HPSE2: variants seen among roughly 807,000 people sequenced by gnomAD.
HPSE2 encodes the protein heparanase 2 (inactive).
HPSE2 carries 38 observed loss-of-function variants against 60.5 expected under a neutral mutation model. The observed-to-expected ratio is 0.63, with a 90% CI of 0.48 to 0.82. The LOEUF is 0.82. HPSE2 is among the 40% of genes least tolerant of loss of function. The pLI is 0.00. For synonymous variants in HPSE2, 295 were observed against 293.2 expected, an observed-to-expected ratio of 1.01 and a Z score of -0.06; for missense variants, 713 against 740.4, an observed-to-expected ratio of 0.96 and a Z score of 0.43.
intron 2 of HPSE2, among the ~76,000 whole-genome samples, chr10:99,154,141 G>A (rs1194632932): frequency 6.9e-6 from 1 of 143,938 alleles, no homozygotes; most frequent in African/African-American, 2.5e-5. Context: ...GTACCTGAAA[G>A]TGATGGGGAG....
intron 3 of HPSE2, among the ~76,000 whole-genome samples, chr10:98,942,646 G>C (rs899151932): frequency 2.0e-5 from 3 of 152,138 alleles, no homozygotes; most frequent in African/African-American, 7.2e-5. Context: ...CTGTCAACTA[G>C]TTCAACCATT....
At chr10:98,692,867 T>C (rs1948115839) in intron 6 of HPSE2, among the ~76,000 whole-genome samples, 1 of 152,222 alleles carries the variant, frequency 6.6e-6, no homozygotes, top group Non-Finnish European at 1.5e-5. Flanking sequence ...TAGACTGAAA[T>C]ATTTCCCATT....
chr10:98,848,451 G>A (rs1457243132), intron 3 of HPSE2, among the ~76,000 whole-genome samples: 5 of 151,654 alleles, frequency 3.3e-5, no homozygotes, highest in African/African-American at 1.2e-4. Flanking sequence ...AGGTCAAAGA[G>A]CAGCAAGGTT....
chr10:98,876,168 G>T (rs895082307), intron 3 of HPSE2, among the ~76,000 whole-genome samples: 3 of 151,870 alleles, frequency 2.0e-5, no homozygotes, highest in African/African-American at 4.8e-5. Context: ...CTTTTAGGAG[G>T]TGATAATGGT....
intron 3 of HPSE2, among the ~76,000 whole-genome samples, chr10:99,028,909 T>C (rs527629038): frequency 3.0e-4 from 46 of 152,254 alleles, no homozygotes; most frequent in African/African-American, 1.1e-3. Flanking sequence ...CAATAAATGG[T>C]GCTGAGAAAA....
At chr10:98,571,446 T>C (rs1262901856) in intron 9 of HPSE2, among the ~76,000 whole-genome samples, 1 of 152,162 alleles carries the variant, frequency 6.6e-6, no homozygotes, top group African/African-American at 2.4e-5. Flanking sequence ...TGAATGATCG[T>C]TGAATGGGCT....
chr10:99,256,920 G>C, the HPSE2 span, among the ~76,000 whole-genome samples: 4 of 152,184 alleles, frequency 2.6e-5, no homozygotes, highest in African/African-American at 9.7e-5. Flanking sequence ...TCAAGGGATT[G>C]GCTGAAGCCA....
chr10:98,659,749 G>T (rs1355658301), intron 6 of HPSE2, among the ~76,000 whole-genome samples: 1 of 137,506 alleles, frequency 7.3e-6, no homozygotes, highest in Admixed American at 7.9e-5. Flanking sequence ...TCTCACCTCA[G>T]AAGAGTCAGT....
intron 9 of HPSE2, among the ~76,000 whole-genome samples, chr10:98,610,964 C>G (rs1267563295): frequency 6.6e-6 from 1 of 152,250 alleles, no homozygotes; most frequent in Non-Finnish European, 1.5e-5. Flanking sequence ...ATGCCCATGA[C>G]TGGTGGGGTC....
At chr10:98,962,299 T>C (rs112473356) in intron 3 of HPSE2, among the ~76,000 whole-genome samples, 2 of 134,986 alleles carry the variant, frequency 1.5e-5, no homozygotes, top group East Asian at 4.4e-4. Context: ...GGTAGCTTGA[T>C]GGGGATGGCA....
the HPSE2 span, among the ~76,000 whole-genome samples, chr10:99,244,484 G>T: frequency 2.7e-5 from 4 of 148,452 alleles, no homozygotes; most frequent in African/African-American, 9.9e-5. Flanking sequence ...ATGGCTCACT[G>T]CAGTCTCTAC....
At chr10:98,509,588 G>A (rs1045319464) in intron 9 of HPSE2, among the ~76,000 whole-genome samples, 2 of 151,556 alleles carry the variant, frequency 1.3e-5, no homozygotes, top group Non-Finnish European at 1.5e-5. Context: ...TGCAACCTCC[G>A]CCTCCTGGGT....
At chr10:98,492,153 C>T (rs993403666) in intron 9 of HPSE2, among the ~76,000 whole-genome samples, 9 of 152,110 alleles carry the variant, frequency 5.9e-5, no homozygotes, top group South Asian at 2.1e-4. Context: ...ACCTTTGTGT[C>T]GTAGCAATTT....
intron 3 of HPSE2, among the ~76,000 whole-genome samples, chr10:98,747,888 C>T (rs1057054610): frequency 1.3e-5 from 2 of 152,168 alleles, no homozygotes; most frequent in Non-Finnish European, 2.9e-5. Context: ...GCATCTAACA[C>T]ACAGCAATTT....
intron 9 of HPSE2, among the ~76,000 whole-genome samples, chr10:98,553,986 C>T (rs981336671): frequency 1.3e-5 from 2 of 152,192 alleles, no homozygotes; most frequent in Admixed American, 6.5e-5. Flanking sequence ...ATAGAGCTCA[C>T]TAAGGATCCA....
chr10:98,600,926 T>TATATATATATATATATATATATA (rs1554950578), intron 9 of HPSE2, among the ~76,000 whole-genome samples: 3 of 107,896 alleles, frequency 2.8e-5, no homozygotes, highest in East Asian at 5.7e-4. Context: ...TATATATATA[T>TATATATATATATATATATATATA]ATATATATAT....
intron 1 of HPSE2, among the ~76,000 whole-genome samples, chr10:99,234,526 G>T (rs1849775433): frequency 6.6e-6 from 1 of 152,214 alleles, no homozygotes; most frequent in Admixed American, 6.5e-5. Flanking sequence ...TCAACACTTG[G>T]ATTCGACATT....
At chr10:98,639,587 C>T (rs896881844) in intron 7 of HPSE2, among the ~76,000 whole-genome samples, 1 of 152,180 alleles carries the variant, frequency 6.6e-6, no homozygotes, top group African/African-American at 2.4e-5. Flanking sequence ...GATCTGAATA[C>T]CAATTGCACG....
intron 11 of HPSE2, among the ~76,000 whole-genome samples, chr10:98,470,682 T>C: frequency 6.6e-6 from 1 of 152,226 alleles, no homozygotes; most frequent in East Asian, 1.9e-4. Flanking sequence ...TAGAATCAAC[T>C]GTTTAGAAAT....
Sources: allele counts gnomAD v4.1 joint callset (sites outside exome capture counted in the v4.1 genomes callset), GRCh38; gene constraint gnomAD v4.1.1; transcripts MANE v1.5; gene names NCBI Gene and HGNC (gene_info 2026-07-23, HGNC 2026-07-21).